The following MKLN1 variants were observed in gnomAD, a reference collection of about 807,000 sequenced individuals.
The protein encoded by MKLN1 is muskelin 1.
In MKLN1, 18 loss-of-function variants were observed where a neutral mutation model predicts 99.0. That is an observed-to-expected ratio of 0.18 (90% confidence interval 0.13 to 0.27). The LOEUF (loss-of-function observed/expected upper bound fraction) is 0.27, where lower values mean the gene tolerates loss of function less well. Among genes scored for constraint, MKLN1 ranks in the 10% least tolerant of loss-of-function variants. MKLN1 has a pLI of 1.00. For synonymous variants in MKLN1, 288 were observed against 293.2 expected (o/e 0.98, Z 0.18); for missense variants, 621 against 875.9 (o/e 0.71, Z 3.67).
intron 1 of MKLN1, among the ~76,000 whole-genome samples, chr7:131,336,633 GC>G (rs1799258181): frequency 6.6e-6 from 1 of 152,014 alleles, no homozygotes; most frequent in Non-Finnish European, 1.5e-5. Context: ...ATCACCACAA[GC>G]TTTCTTGTGG....
intron 2 of MKLN1, 135 bp from the exon 3 acceptor site, chr7:131,386,985 T>G: frequency 1.4e-6 from 1 of 737,120 alleles, no homozygotes; most frequent in South Asian, 2.2e-5. Flanking sequence ...ATTCTATAGC[T>G]TTAAAAAAAT....
At chr7:131,176,838 G>C (rs1796306404) in intron 2 of MKLN1, among the ~76,000 whole-genome samples, 1 of 152,180 alleles carries the variant, frequency 6.6e-6, no homozygotes, top group Non-Finnish European at 1.5e-5. Flanking sequence ...TAACCTTCTA[G>C]CCTGCTGTTG....
chr7:131,432,068 A>G (rs570918670), intron 9 of MKLN1, among the ~76,000 whole-genome samples: 5 of 152,336 alleles, frequency 3.3e-5, no homozygotes, highest in African/African-American at 1.2e-4. Flanking sequence ...TGGATGGCTT[A>G]CTATAATGAT....
chr7:131,466,815 A>G (rs1305732958), intron 15 of MKLN1, among the ~76,000 whole-genome samples: 1 of 152,182 alleles, frequency 6.6e-6, no homozygotes, highest in Non-Finnish European at 1.5e-5. Flanking sequence ...TTGATGTGTC[A>G]CAATACAATT....
Position 131,303,370 on chromosome 7 carries a change from G to C in MKLN1, c.-178-72054G>C, listed in dbSNP as rs141926060. Among the ~76,000 whole-genome samples, 1,362 of 152,332 alleles carry C rather than the reference G, an allele frequency of 8.9e-3. 22 individuals carry two copies. The highest frequency in any genetic ancestry group is 0.032 in the African/African-American group (1,317 of 41,572). ...AGCCTCAGTGTTCACCTGTGTCTTG[G>C]GCAAAGGGCCCATTGGGGCAGGACT... is the stretch of plus-strand genomic sequence containing the variant. On this transcript the variant is annotated intron_variant, in intron 3 of 7. Coordinates refer to the MKLN1 transcript ENST00000416992.
At chr7:131,274,643 C>CA (rs10708074) in intron 3 of MKLN1, among the ~76,000 whole-genome samples, 6,251 of 91,494 alleles carry the variant, frequency 0.068, 295 homozygotes, top group Admixed American at 0.19. Context: ...GACCCTGTCT[C>CA]AAAAAAAAAA....
intron 3 of MKLN1, among the ~76,000 whole-genome samples, chr7:131,234,745 C>T (rs1797291430): frequency 6.6e-6 from 1 of 152,210 alleles, no homozygotes; most frequent in Non-Finnish European, 1.5e-5. Context: ...ATCCAAGGAA[C>T]TTTGCTTTTT....
Position 131,401,184 on chromosome 7 carries a change from G to A in MKLN1, c.703+1751G>A, listed in dbSNP as rs981461816. On this transcript the variant is annotated intron_variant, in intron 6 of 17. Coordinates refer to ENST00000352689, the MANE Select transcript of MKLN1 (RefSeq NM_013255.5). ...ACAAAAGCTACTTTTAGTATTTTTAGTATATTACTTAGTATGATCTTTAAG... is the reference window on the plus strand; with the variant it reads ...ACAAAAGCTACTTTTAGTATTTTTAATATATTACTTAGTATGATCTTTAAG... Among the ~76,000 whole-genome samples the A allele has an allele frequency of 3.3e-5, 5 of 152,242 alleles. No individual in the cohort carries two copies. In the East Asian group the frequency reaches 7.7e-4, roughly 24 times the overall value.
At chr7:131,221,383 C>T (rs1157893313) in intron 3 of MKLN1, among the ~76,000 whole-genome samples, 1 of 152,178 alleles carries the variant, frequency 6.6e-6, no homozygotes, top group Non-Finnish European at 1.5e-5. Flanking sequence ...CATCTTCCAA[C>T]CTCCTCATGC....
At chr7:131,208,262 A>G (rs917425974) in intron 3 of MKLN1, among the ~76,000 whole-genome samples, 2 of 152,250 alleles carry the variant, frequency 1.3e-5, no homozygotes, top group African/African-American at 4.8e-5. Context: ...AGCACAACAC[A>G]TTGTATGTTC....
intron 2 of MKLN1, among the ~76,000 whole-genome samples, chr7:131,380,749 A>G (rs1775620742): frequency 6.6e-6 from 1 of 152,188 alleles, no homozygotes; most frequent in Non-Finnish European, 1.5e-5. Context: ...ATTTCACTAA[A>G]TGTTGATGTG....
intron 3 of MKLN1, among the ~76,000 whole-genome samples, chr7:131,268,156 G>A (rs2116551145): frequency 6.6e-6 from 1 of 152,288 alleles, no homozygotes; most frequent in Admixed American, 6.5e-5. Flanking sequence ...ATGTCCAGAG[G>A]AGACAGTGAG....
chr7:131,414,329 A>G (rs1160110973), intron 7 of MKLN1, among the ~76,000 whole-genome samples: 2 of 152,130 alleles, frequency 1.3e-5, no homozygotes, highest in African/African-American at 4.8e-5. Flanking sequence ...TTGGCACTCA[A>G]GTAGCTTAGA....
intron 1 of MKLN1, 169 bp downstream of exon 1, chr7:131,328,166 G>A (rs2305327): frequency 0.12 from 95,245 of 826,964 alleles, 6,713 homozygotes; most frequent in African/African-American, 0.22. Context: ...GCTCGGCCTC[G>A]CTCGGGAAGG....
At chr7:131,220,808 G>C (rs573173970) in intron 3 of MKLN1, among the ~76,000 whole-genome samples, 2 of 152,324 alleles carry the variant, frequency 1.3e-5, no homozygotes, top group South Asian at 4.1e-4. Context: ...GAGGAACAGA[G>C]AGGGTACAAA....
intron 10 of MKLN1, among the ~76,000 whole-genome samples, chr7:131,440,175 T>C (rs758429488): frequency 7.2e-5 from 11 of 152,090 alleles, no homozygotes; most frequent in African/African-American, 2.2e-4. Context: ...CCCAGAAATA[T>C]CCAGAGGTGA....
At chr7:131,258,052 T>C (rs1797682260) in intron 3 of MKLN1, among the ~76,000 whole-genome samples, 1 of 151,022 alleles carries the variant, frequency 6.6e-6, no homozygotes, top group Admixed American at 6.6e-5. Context: ...GCCTAGGAGG[T>C]CAAGGCTGCA....
chr7:131,368,317 G>A (rs1800242899), intron 1 of MKLN1, among the ~76,000 whole-genome samples: 1 of 152,140 alleles, frequency 6.6e-6, no homozygotes, highest in African/African-American at 2.4e-5. Flanking sequence ...CTTTTTCTAT[G>A]TCTTTAAAAT....
chr7:131,133,625 T>C (rs1219457733), intron 1 of MKLN1, among the ~76,000 whole-genome samples: 1 of 151,372 alleles, frequency 6.6e-6, no homozygotes, highest in Non-Finnish European at 1.5e-5. Context: ...GTGCTGGGAT[T>C]ATAGGCGTGA....
Sources: gnomAD v4.1 joint callset for allele counts (sites outside exome capture counted in the v4.1 genomes callset) on GRCh38, gnomAD v4.1.1 for gene constraint, MANE v1.5 for transcripts, NCBI Gene and HGNC (gene_info 2026-07-23, HGNC 2026-07-21) for gene names.